Variants in PTGES2 observed in about 807,000 individuals in gnomAD.
PTGES2 encodes GATE-binding factor 1.
A neutral mutation model predicts 44.5 loss-of-function variants in PTGES2; 35 were observed. The observed-to-expected ratio is 0.79, with a 90% CI of 0.60 to 1.04. The LOEUF is 1.04. Ranked by LOEUF, PTGES2 falls within the 50% of genes least tolerant of loss-of-function variation. The probability of loss-of-function intolerance (pLI) is 0.00; values close to 1 mark genes in which losing one functional copy is unlikely to be tolerated. For missense variants in PTGES2, 517 were observed against 521.4 expected (o/e 0.99, Z 0.08); for synonymous variants, 221 against 227.5 (o/e 0.97, Z 0.26).
chr9:128,127,474 C>T lies in PTGES2; in HGVS notation c.244G>A (p.Ala82Thr). ...LYHTARWHLR[A>T]QDLHAERSAA... ...GAGCGCTCTGCGTGGAGGTCCTGGG[C>T]GCGCAGGTGCCACCGCGCCGTGTGG... is the stretch of plus-strand genomic sequence containing the variant. Residue 82 changes from alanine to threonine, a missense_variant, in exon 1 of 7, where the codon GCC becomes ACC. By Grantham distance (58) the Ala-to-Thr change is moderately conservative (BLOSUM62 0). Coordinates refer to ENST00000338961, the MANE Select transcript of PTGES2 (RefSeq NM_025072.7). 7.1e-7 allele frequency: 1 copy of T among 1,401,910 alleles called. No individual in the cohort carries two copies. Among genetic ancestry groups the T allele is most frequent in the Non-Finnish European group, 9.3e-7 (1 of 1,073,498 alleles). 86.8% of individuals were successfully genotyped at this position (1,401,910 alleles called of 1,614,324 possible).
intron 3 of PTGES2, 52 bp downstream of exon 3, chr9:128,124,440 T>G (rs1588071520): frequency 6.4e-7 from 1 of 1,552,842 alleles, no homozygotes. Flanking sequence ...GAGGCCTCCC[T>G]GGAGGAAGCC....
In PTGES2 at chr9:128,121,256, C is replaced by A. The variant is rs1834399449; in HGVS notation, c.1023G>T (p.Leu341=). The part of the protein sequence containing the change: ...NLADLAVYGV[L]RVMEGLDAFD... ...ACGCATCCAGCCCCTCCATCACACG[C>A]AGCACGCCATACACCGCCTGGGGCA... is the stretch of plus-strand genomic sequence containing the variant. Residue 341 remains leucine (L), a synonymous_variant, in exon 7 of 7, where the codon CTG becomes CTT. Coordinates refer to ENST00000338961, the MANE Select transcript of PTGES2 (RefSeq NM_025072.7). 1.9e-6 allele frequency: 3 copies of A among 1,609,398 alleles called. No homozygotes were observed. The highest frequency in any genetic ancestry group is 2.5e-6 in the Non-Finnish European group (3 of 1,177,406).
Position 128,123,031 on chromosome 9 carries a change from T to A in PTGES2, c.790A>T (p.Ile264Phe), listed in dbSNP as rs557755729. 6.2e-7 allele frequency: 1 copy of A among 1,613,784 alleles called. No individual in the cohort carries two copies. The highest frequency in any genetic ancestry group is 8.5e-7 in the Non-Finnish European group (1 of 1,179,994). ...PTEALASFDY[I>F]VREGKFGAVE... ...GCTCCGAACTTGCCCTCGCGGACAATGTAGTCAAAGGACGCCAGAGCCTCG... is the reference window on the plus strand; with the variant it reads ...GCTCCGAACTTGCCCTCGCGGACAAAGTAGTCAAAGGACGCCAGAGCCTCG... Residue 264 changes from isoleucine (I) to phenylalanine (F), a missense_variant, in exon 5 of 7, where the codon ATT (isoleucine) becomes TTT (phenylalanine). Ile to Phe is a conservative substitution (Grantham distance 21). Transcript: ENST00000338961. The surrounding 1 kb of genome is among the most constrained non-coding windows in gnomAD (Gnocchi z 4.4).
At chr9:128,122,528 C>G in intron 5 of PTGES2, 49 bp from the exon 6 acceptor site, 1 of 1,520,028 alleles carries the variant, frequency 6.6e-7, no homozygotes, top group Non-Finnish European at 9.1e-7. Flanking sequence ...ACTCCCAGCC[C>G]AGCAGGGAAG....
At chr9:128,121,334 G>A (rs145904971) in intron 6 of PTGES2, 61 bp from the exon 7 acceptor site, 40 of 1,561,620 alleles carry the variant, frequency 2.6e-5, no homozygotes, top group African/African-American at 1.4e-4. Flanking sequence ...GACCTCCTTC[G>A]TTCCCTGCCA....
At chr9:128,127,292 A>G (rs4837242) in intron 1 of PTGES2, 147 bp downstream of exon 1, 611,099 of 616,268 alleles carry the variant, frequency 0.99, 303,186 homozygotes, top group East Asian at 1. Context: ...TTTTACACAA[A>G]AGAATACAGA....
chr9:128,128,163 C>T (rs1264099559), upstream of PTGES2: 31 of 175,486 alleles, frequency 1.8e-4, no homozygotes, highest in Admixed American at 5.3e-4. Context: ...CGACCCGACC[C>T]GGCACCAGGT....
In PTGES2 at chr9:128,121,135, G is replaced by C; in HGVS notation, c.*10C>G. On this transcript the variant is annotated 3_prime_UTR_variant, in exon 7 of 7. Coordinates refer to ENST00000338961, the MANE Select transcript of PTGES2 (RefSeq NM_025072.7). ...TTCCGCTGCCTTCCCTCTGCTCTGC[G>C]CGGGGACATTCAGTGCGCTGGGGAG... The C allele has an allele frequency of 1.9e-6, 3 of 1,578,196 alleles. No individual in the cohort carries two copies. Among genetic ancestry groups the C allele is most frequent in the Non-Finnish European group, 2.6e-6 (3 of 1,162,418 alleles).
At chr9:128,124,832 G>A in intron 2 of PTGES2, 1 of 1,273,938 alleles carries the variant, frequency 7.8e-7, no homozygotes, top group South Asian at 1.8e-5. Flanking sequence ...CTACATACTA[G>A]ACCCCAAGCA....
chr9:128,121,152 G>A lies in PTGES2; in HGVS notation c.1127C>T (p.Ala376Val), dbSNP rs140109719. Residue 376 changes from alanine (A) to valine (V), a missense_variant, in exon 7 of 7, where the codon GCG becomes GTG. Physicochemically the swap from Ala to Val is moderately conservative, Grantham distance 64. Transcript: ENST00000338961. ...TGCTCTGCGCGGGGACATTCAGTGC[G>A]CTGGGGAGGCCTCGGTGATGGCCCT... ...VERAITEASP[A>V]H The A allele has an allele frequency of 1.1e-4, 179 of 1,585,822 alleles. No individual in the cohort carries two copies. The highest frequency in any genetic ancestry group is 1.4e-4 in the Non-Finnish European group (165 of 1,166,450).
Position 128,127,445 on chromosome 9 carries a change from G to T in PTGES2, c.273C>A (p.Ala91=). The T allele has an allele frequency of 7.3e-7, 1 of 1,378,136 alleles. No individual in the cohort carries two copies. The highest frequency in any genetic ancestry group is 1.8e-5 in the South Asian group (1 of 56,540). 85.4% of individuals were successfully genotyped at this position (1,378,136 alleles called of 1,614,324 possible). ...CGGCCGGGCCAGGCCTTACCTGCGC[G>T]GCTGAGCGCTCTGCGTGGAGGTCCT... ...RAQDLHAERS[A]AQLSLSSRLQ... is the part of the protein sequence containing the mutation. The change falls in exon 1 of 7, where the codon GCC becomes GCA. Residue 91 remains alanine (A), a synonymous_variant. Coordinates refer to ENST00000338961, the MANE Select transcript of PTGES2 (RefSeq NM_025072.7).
intron 1 of PTGES2, among the ~76,000 whole-genome samples, chr9:128,127,191 C>CACAA (rs1554744708): frequency 8.2e-5 from 2 of 24,494 alleles, no homozygotes; most frequent in Non-Finnish European, 1.6e-4. Flanking sequence ...ATAAACAAAC[C>CACAA]AAAAAAAAAA....
rs761606697 is a variant in PTGES2, at chr9:128,124,552, T to TG, written c.478-3dup. 9 of 1,613,108 alleles carry TG rather than the reference T, an allele frequency of 5.6e-6. No individual in the cohort carries two copies. The highest frequency in any genetic ancestry group is 4.5e-5 in the East Asian group (2 of 44,824). On this transcript the variant is annotated splice_polypyrimidine_tract_variant and splice_region_variant and intron_variant, in intron 2 of 6. Transcript: ENST00000338961. ...GACAGAGGAGTCATTTAGTTGTTGC[T>TG]GGAAGAGAAAAGGGTGGTTTAATCA...
chr9:128,125,101 C>T, intron 2 of PTGES2, 143 bp downstream of exon 2: 6 of 799,078 alleles, frequency 7.5e-6, no homozygotes, highest in Non-Finnish European at 1.2e-5. Context: ...GAGCATCTAC[C>T]GTATGCAGCT....
chr9:128,127,191 CA>C (rs59234287), intron 1 of PTGES2, among the ~76,000 whole-genome samples: 1,354 of 24,502 alleles, frequency 0.055, 18 homozygotes, highest in African/African-American at 0.15. Flanking sequence ...ATAAACAAAC[CA>C]AAAAAAAAAA....
upstream of PTGES2, chr9:128,127,757 A>G: frequency 1.6e-6 from 2 of 1,245,312 alleles, no homozygotes; most frequent in South Asian, 3.1e-5. Context: ...CGCGAAACGA[A>G]GACGCCGAGG....
Position 128,121,036 on chromosome 9 carries a change from G to GGGT in PTGES2, c.*108_*109insACC. On this transcript the variant is annotated 3_prime_UTR_variant, in exon 7 of 7. Coordinates refer to ENST00000338961, the MANE Select transcript of PTGES2 (RefSeq NM_025072.7). ...GGCTGGTGGGGGTGCGTGGACAAGG[G>GGGT]GCAGAATGATCCTGCCCCCAACCAG... is the stretch of plus-strand genomic sequence containing the variant. The GGGT allele has an allele frequency of 7.2e-7, 1 of 1,397,460 alleles. No homozygotes were observed. Among genetic ancestry groups the GGGT allele is most frequent in the Non-Finnish European group, 9.7e-7 (1 of 1,027,780 alleles). 86.6% of individuals were successfully genotyped at this position (1,397,460 alleles called of 1,614,324 possible). A position where few individuals can be genotyped will look rare whatever the true frequency, so the allele number is the denominator to read the frequency against.
chr9:128,121,608 G>C (rs1588067742), intron 6 of PTGES2, among the ~76,000 whole-genome samples: 1 of 152,242 alleles, frequency 6.6e-6, no homozygotes, highest in East Asian at 1.9e-4. Context: ...CCAGGGGCAG[G>C]ACAGTTTTAA....
chr9:128,127,340 T>C, intron 1 of PTGES2, 99 bp downstream of exon 1: 2 of 1,109,810 alleles, frequency 1.8e-6, no homozygotes, highest in Non-Finnish European at 2.3e-6. Flanking sequence ...TCGCCCAAGG[T>C]CACAAGCAGG....
Sources: gnomAD v4.1 joint callset for allele counts (sites outside exome capture counted in the v4.1 genomes callset) on GRCh38, gnomAD v4.1.1 for gene constraint, Gnocchi (gnomAD v3.1) non-coding constraint, MANE v1.5 for transcripts, NCBI Gene and HGNC (gene_info 2026-07-23, HGNC 2026-07-21) for gene names.